STK32B: variants seen among roughly 807,000 people sequenced by gnomAD.
STK32B encodes the protein serine/threonine kinase 32B.
A neutral mutation model predicts 52.6 loss-of-function variants in STK32B; 43 were observed. That is an observed-to-expected ratio of 0.82 (90% confidence interval 0.64 to 1.05). STK32B has a LOEUF of 1.05. Ranked by LOEUF, STK32B falls within the 50% of genes least tolerant of loss-of-function variation. The pLI is 0.00. For missense variants in STK32B, 621 were observed against 534.6 expected (o/e 1.16, Z -1.59); for synonymous variants, 238 against 204.3 (o/e 1.17, Z -1.41).
Position 5,274,830 on chromosome 4 carries a change from G to A in STK32B, c.261-56390G>A, listed in dbSNP as rs187468163. On this transcript the variant is annotated intron_variant, in intron 3 of 11. Coordinates refer to ENST00000282908, the MANE Select transcript of STK32B (RefSeq NM_018401.3). ...TGCTGTTTGCCGCGGTTGCAGACCC[G>A]CCGCTGACTTTCATCCCTCCAGATC... 2.1e-3 allele frequency among the ~76,000 whole-genome samples: 316 copies of A among 152,222 alleles called. 4 individuals are homozygous for A. The highest frequency in any genetic ancestry group is 7.2e-3 in the African/African-American group (301 of 41,526).
intron 1 of STK32B, among the ~76,000 whole-genome samples, chr4:5,099,454 G>GCGCGCGTGCACGCGCACA (rs68114862): frequency 7.7e-6 from 1 of 129,744 alleles, no homozygotes; most frequent in South Asian, 2.4e-4. Context: ...GTGTGTGCGC[G>GCGCGCGTGCACGCGCACA]CGCGCGTATG....
chr4:5,177,947 G>C (rs1720054145), intron 3 of STK32B, among the ~76,000 whole-genome samples: 2 of 152,292 alleles, frequency 1.3e-5, no homozygotes, highest in Non-Finnish European at 2.9e-5. Context: ...GAGTATCTGT[G>C]ACTTTTCCAG....
rs78949408 is a variant in STK32B at position 5,425,834 on chromosome 4, A to G, written c.562+8900A>G. On this transcript the variant is annotated intron_variant, in intron 6 of 11. Coordinates refer to ENST00000282908, the MANE Select transcript of STK32B (RefSeq NM_018401.3). The stretch of plus-strand genomic sequence containing the variant: ...AACCAGCAATTGATTTTCTACCCCT[A>G]TGATTCTGCCTATTCCAGAAAGTCA... 5.1e-3 allele frequency among the ~76,000 whole-genome samples: 779 copies of G among 152,254 alleles called. 20 individuals are homozygous for G. The East Asian group carries it at 0.075, about 15-fold the overall frequency.
At chr4:5,281,168 G>C (rs936915352) in intron 3 of STK32B, among the ~76,000 whole-genome samples, 8 of 151,398 alleles carry the variant, frequency 5.3e-5, no homozygotes, top group African/African-American at 2.0e-4. Flanking sequence ...ACTATCATGA[G>C]AACAGCAAGG....
At chr4:5,450,186 C>A (rs182073045) in intron 7 of STK32B, among the ~76,000 whole-genome samples, 99 of 152,274 alleles carry the variant, frequency 6.5e-4, no homozygotes, top group African/African-American at 2.4e-3. Flanking sequence ...TTAGTTCTTA[C>A]CCTGGCAGGC....
chr4:5,329,968 TC>T (rs1198036183), intron 3 of STK32B, among the ~76,000 whole-genome samples: 1 of 152,130 alleles, frequency 6.6e-6, no homozygotes, highest in Non-Finnish European at 1.5e-5. Context: ...CCAGGCTCCC[TC>T]CCCAGGGCTG....
chr4:5,377,444 C>CT (rs200459055), intron 4 of STK32B, among the ~76,000 whole-genome samples: 2,761 of 152,300 alleles, frequency 0.018, 37 homozygotes, highest in South Asian at 0.059. Context: ...CGCCTTCTTA[C>CT]TCTTTTTGTC....
At chr4:5,155,896 C>T (rs1433580694) in intron 2 of STK32B, among the ~76,000 whole-genome samples, 4 of 152,092 alleles carry the variant, frequency 2.6e-5, no homozygotes, top group African/African-American at 9.7e-5. Flanking sequence ...AATATACCCA[C>T]TAAACAGTTC....
chr4:5,493,223 T>G (rs1391721226), intron 11 of STK32B, among the ~76,000 whole-genome samples: 3 of 152,170 alleles, frequency 2.0e-5, no homozygotes, highest in Non-Finnish European at 4.4e-5. Context: ...CTCTTTTTTC[T>G]TGGTAAGCTA....
At chr4:5,364,633 G>C (rs935172065) in intron 4 of STK32B, among the ~76,000 whole-genome samples, 1 of 152,122 alleles carries the variant, frequency 6.6e-6, no homozygotes, top group Non-Finnish European at 1.5e-5. Context: ...GTTGAACCAC[G>C]TACCACCTGT....
intron 6 of STK32B, among the ~76,000 whole-genome samples, chr4:5,431,640 T>C (rs1000889296): frequency 6.6e-6 from 1 of 152,230 alleles, no homozygotes; most frequent in Non-Finnish European, 1.5e-5. Context: ...AAACATTGTT[T>C]CCTCTCCTTC....
intron 7 of STK32B, chr4:5,447,175 G>T (rs73797318): frequency 0.018 from 2,940 of 159,154 alleles, 78 homozygotes; most frequent in African/African-American, 0.06. Context: ...TTTTCTCTTT[G>T]TTTCACATCT....
chr4:5,305,971 A>G (rs989494509), intron 3 of STK32B, among the ~76,000 whole-genome samples: 2 of 152,178 alleles, frequency 1.3e-5, no homozygotes, highest in Admixed American at 1.3e-4. Flanking sequence ...TCCAGTGATC[A>G]TTCAGGAGCA....
chr4:5,413,605 A>G (rs545994367), intron 5 of STK32B, among the ~76,000 whole-genome samples: 2 of 152,382 alleles, frequency 1.3e-5, no homozygotes, highest in African/African-American at 4.8e-5. Flanking sequence ...CATTATTTGC[A>G]TTTTTAAAAC....
intron 1 of STK32B, among the ~76,000 whole-genome samples, chr4:5,105,847 G>A (rs1279592386): frequency 6.6e-6 from 1 of 151,998 alleles, no homozygotes. Context: ...ACAGGTGTGA[G>A]CCACCACGCC....
chr4:5,353,105 A>G (rs1039542962), intron 4 of STK32B, among the ~76,000 whole-genome samples: 1 of 152,258 alleles, frequency 6.6e-6, no homozygotes, highest in African/African-American at 2.4e-5. Flanking sequence ...ATAAATCCAC[A>G]TATTTAAGGT....
chr4:5,156,843 G>T (rs558077952), intron 2 of STK32B, among the ~76,000 whole-genome samples: 161 of 152,142 alleles, frequency 1.1e-3, no homozygotes, highest in Non-Finnish European at 1.8e-3. Flanking sequence ...AGCAAGAGTT[G>T]TACAAATGAT....
chr4:5,425,895 T>C (rs1713051020), intron 6 of STK32B, among the ~76,000 whole-genome samples: 1 of 152,330 alleles, frequency 6.6e-6, no homozygotes, highest in Admixed American at 6.5e-5. Flanking sequence ...GCCTTTTGAA[T>C]GTGGCTTTTT....
At chr4:5,278,381 G>A (rs1202723463) in intron 3 of STK32B, among the ~76,000 whole-genome samples, 2 of 152,168 alleles carry the variant, frequency 1.3e-5, no homozygotes, top group Non-Finnish European at 2.9e-5. Flanking sequence ...GGGAGTTGGG[G>A]TTCAGCGCAT....
Sources: gnomAD v4.1 joint callset for allele counts (sites outside exome capture counted in the v4.1 genomes callset) on GRCh38, gnomAD v4.1.1 for gene constraint, MANE v1.5 for transcripts, NCBI Gene and HGNC (gene_info 2026-07-23, HGNC 2026-07-21) for gene names.